Variants in ZNF600 observed in about 807,000 individuals in gnomAD.
ZNF600 encodes the protein zinc finger protein KR-ZNF1.
In ZNF600, 4 loss-of-function variants were observed where a neutral mutation model predicts 7.3. The observed-to-expected ratio is 0.55, with a 90% CI of 0.27 to 1.25. The LOEUF is 1.25. Among genes scored for constraint, ZNF600 ranks in the 50% most tolerant of loss-of-function variants. The probability of loss-of-function intolerance (pLI) is 0.12; values close to 1 mark genes in which losing one functional copy is unlikely to be tolerated. For synonymous variants in ZNF600, 290 were observed against 308.9 expected (o/e 0.94, Z 0.64); for missense variants, 911 against 922.1 (o/e 0.99, Z 0.16).
intron 2 of ZNF600, among the ~76,000 whole-genome samples, chr19:52,775,624 T>G (rs1388626010): frequency 3.9e-5 from 6 of 151,908 alleles, no homozygotes; most frequent in African/African-American, 1.5e-4. Flanking sequence ...ACATACCAGG[T>G]GATATTAAGT....
the ZNF600 span, chr19:52,800,790 T>C: frequency 2.5e-6 from 4 of 1,614,148 alleles, no homozygotes; most frequent in South Asian, 2.2e-5. Flanking sequence ...GTAAGGTTTC[T>C]CTCCAGTGTG....
the ZNF600 span, among the ~76,000 whole-genome samples, chr19:52,795,864 CTTT>C: frequency 2.3e-3 from 305 of 133,338 alleles, 2 homozygotes; most frequent in African/African-American, 7.9e-3. Flanking sequence ...CAGCACCTGG[CTTT>C]TTTTTTTTTT....
chr19:52,787,149 C>T (rs1793631727), upstream of ZNF600, among the ~76,000 whole-genome samples: 1 of 152,230 alleles, frequency 6.6e-6, no homozygotes, highest in South Asian at 2.1e-4. Flanking sequence ...ACCCCGTGCT[C>T]AGCTTCAAAG....
At chr19:52,795,212 T>G in the ZNF600 span, among the ~76,000 whole-genome samples, 3 of 152,168 alleles carry the variant, frequency 2.0e-5, no homozygotes, top group Non-Finnish European at 4.4e-5. Context: ...GCTCACTATT[T>G]AGTCAGATGA....
chr19:52,816,317 G>A, the ZNF600 span, among the ~76,000 whole-genome samples: 3 of 146,744 alleles, frequency 2.0e-5, no homozygotes, highest in Non-Finnish European at 4.4e-5. Context: ...TTAGGAGTTC[G>A]AGGCCAGCCT....
the ZNF600 span, among the ~76,000 whole-genome samples, chr19:52,794,712 A>G: frequency 6.6e-6 from 1 of 152,060 alleles, no homozygotes; most frequent in African/African-American, 2.4e-5. Flanking sequence ...AAAATTAGCC[A>G]GGTCTGGTGG....
the ZNF600 span, chr19:52,807,967 A>G: frequency 1.2e-6 from 2 of 1,611,250 alleles, no homozygotes; most frequent in South Asian, 2.2e-5. Context: ...GAGAAAATAC[A>G]AAGATACACA....
At chr19:52,775,269 C>A (rs908984170) in intron 2 of ZNF600, among the ~76,000 whole-genome samples, 1 of 151,618 alleles carries the variant, frequency 6.6e-6, no homozygotes, top group African/African-American at 2.4e-5. Context: ...AACAAAAAAA[C>A]AATGCCGGGC....
chr19:52,779,313 G>A (rs1383142434), intron 1 of ZNF600, among the ~76,000 whole-genome samples: 1 of 152,220 alleles, frequency 6.6e-6, no homozygotes, highest in East Asian at 1.9e-4. Context: ...CTGCGCCACT[G>A]CAGGTATTAC....
chr19:52,766,207 G>A lies in ZNF600; in HGVS notation c.1756C>T (p.Arg586Cys), dbSNP rs769124820. The A allele has an allele frequency of 8.1e-6, 13 of 1,613,036 alleles. No homozygotes were observed. Among genetic ancestry groups the A allele is most frequent in the African/African-American group, 1.3e-5 (1 of 74,726 alleles). The stretch of plus-strand genomic sequence containing the variant: ...GGTTTCTCACCACTATGAACTCTGC[G>A]ATGGCTTGCAAGGTATGACCTCAGA... Residue 586 changes from arginine to cysteine, a missense_variant, in exon 4 of 4, where the codon CGC becomes TGC. Arg to Cys is a radical substitution (Grantham distance 180). Transcript: ENST00000648973.
At chr19:52,813,249 G>GAAAAAAAAAAAAAAAAAAAAAAAAAAAA in the ZNF600 span, among the ~76,000 whole-genome samples, 1 of 62,984 alleles carries the variant, frequency 1.6e-5, no homozygotes, top group Non-Finnish European at 2.8e-5. Context: ...CTTGAATGGT[G>GAAAAAAAAAAAAAAAAAAAAAAAAAAAA]AAAAAAAAAA....
chr19:52,809,143 G>A, the ZNF600 span, among the ~76,000 whole-genome samples: 4 of 152,142 alleles, frequency 2.6e-5, no homozygotes, highest in East Asian at 3.8e-4. Context: ...GGGCAGTTGC[G>A]GGCAGGGGGA....
the ZNF600 span, among the ~76,000 whole-genome samples, chr19:52,816,987 C>T: frequency 1.3e-3 from 191 of 152,154 alleles, no homozygotes; most frequent in Non-Finnish European, 2.3e-3. Context: ...AGCCTCTCCA[C>T]AGTAACACCA....
chr19:52,782,162 C>CTA, intron 1 of ZNF600, among the ~76,000 whole-genome samples: 9 of 151,274 alleles, frequency 5.9e-5, no homozygotes, highest in African/African-American at 2.2e-4. Context: ...CAGGAGGTTG[C>CTA]CGCTGCACTG....
the ZNF600 span, among the ~76,000 whole-genome samples, chr19:52,803,732 T>C: frequency 1.3e-5 from 2 of 152,128 alleles, no homozygotes; most frequent in Non-Finnish European, 2.9e-5. Context: ...TTTGGTAGGC[T>C]GAGGCAGGTA....
the ZNF600 span, among the ~76,000 whole-genome samples, chr19:52,823,750 G>T: frequency 7.2e-5 from 11 of 152,136 alleles, no homozygotes; most frequent in South Asian, 1.9e-3. Flanking sequence ...CTGAAAAAAG[G>T]CTTAGTTACT....
the ZNF600 span, among the ~76,000 whole-genome samples, chr19:52,804,940 C>A: frequency 6.6e-6 from 1 of 152,156 alleles, no homozygotes; most frequent in East Asian, 1.9e-4. Flanking sequence ...ACTTGCAATA[C>A]TTGAAGCCAT....
chr19:52,812,170 C>T, the ZNF600 span, among the ~76,000 whole-genome samples: 30 of 127,968 alleles, frequency 2.3e-4, no homozygotes, highest in Middle Eastern at 4.2e-3. Flanking sequence ...CCCGGCCAGC[C>T]GCCCCATCTG....
At chr19:52,792,550 C>T in the ZNF600 span, among the ~76,000 whole-genome samples, 230 of 152,068 alleles carry the variant, frequency 1.5e-3, 1 homozygote, top group African/African-American at 5.3e-3. Context: ...GAGACTTCAT[C>T]TCAAAAAATA....
Sources: gnomAD v4.1 joint callset for allele counts (sites outside exome capture counted in the v4.1 genomes callset) on GRCh38, gnomAD v4.1.1 for gene constraint, MANE v1.5 for transcripts, NCBI Gene and HGNC (gene_info 2026-07-23, HGNC 2026-07-21) for gene names.